The following MACROD2 variants were observed in gnomAD, a reference collection of about 807,000 sequenced individuals.
The protein encoded by MACROD2 is mono-ADP ribosylhydrolase 2.
In MACROD2, 36 loss-of-function variants were observed where a neutral mutation model predicts 70.4. The observed-to-expected ratio is 0.51, with a 90% CI of 0.39 to 0.68. The LOEUF is 0.68. Among genes scored for constraint, MACROD2 ranks in the 30% least tolerant of loss-of-function variants. The probability of loss-of-function intolerance (pLI) is 0.00; values close to 1 mark genes in which losing one functional copy is unlikely to be tolerated. For missense variants in MACROD2, 496 were observed against 538.4 expected (o/e 0.92, Z 0.78); for synonymous variants, 172 against 178.8 (o/e 0.96, Z 0.30).
At chr20:14,151,783 G>A (rs2055024609) in intron 3 of MACROD2, among the ~76,000 whole-genome samples, 1 of 149,740 alleles carries the variant, frequency 6.7e-6, no homozygotes, top group Non-Finnish European at 1.5e-5. Flanking sequence ...GATAATTAGA[G>A]GTGGTAATTG....
intron 8 of MACROD2, among the ~76,000 whole-genome samples, chr20:15,848,501 T>G (rs376843816): frequency 1.1e-3 from 162 of 152,252 alleles, no homozygotes; most frequent in African/African-American, 3.7e-3. Context: ...TAAATAAAAT[T>G]TTGTAGGGGG....
chr20:15,624,720 A>G (rs1172039535), intron 8 of MACROD2, among the ~76,000 whole-genome samples: 1 of 152,212 alleles, frequency 6.6e-6, no homozygotes, highest in Admixed American at 6.5e-5. Context: ...CATTCTCCAA[A>G]GCCTACAACA....
At position 14,285,069 on chromosome 20, in the gene MACROD2, A is replaced by G. The variant is rs186504644; in HGVS notation, c.271+199341A>G. On this transcript the variant is annotated intron_variant, in intron 3 of 17. Coordinates refer to ENST00000684519, the MANE Select transcript of MACROD2 (RefSeq NM_001351661.2). ...AACCAACAAAGCCCAGATTCTCTCT[A>G]TTGCACAGTTGGCACACTCTTTCCC... 1.9e-3 allele frequency among the ~76,000 whole-genome samples: 291 copies of G among 151,456 alleles called. 1 individual carries two copies. Among genetic ancestry groups the G allele is most frequent in the South Asian group, 4.6e-3 (22 of 4,796 alleles).
rs566603515 is a variant in MACROD2 at position 15,636,515 on chromosome 20, A to G, written c.645+136668A>G. On this transcript the variant is annotated intron_variant, in intron 8 of 17. Coordinates refer to ENST00000684519, the MANE Select transcript of MACROD2 (RefSeq NM_001351661.2). ...GGGGGCAGTTAATGGGTTCGGTTTC[A>G]TGTTTCAGATCCCCTTGACCTTGTT... Among the ~76,000 whole-genome samples, 5 of 152,244 alleles carry G rather than the reference A, an allele frequency of 3.3e-5. No homozygotes were observed. The South Asian group carries it at 1.0e-3, about 32-fold the overall frequency.
At chr20:15,340,291 C>A (rs1437343723) in intron 6 of MACROD2, among the ~76,000 whole-genome samples, 1 of 151,594 alleles carries the variant, frequency 6.6e-6, no homozygotes, top group South Asian at 2.1e-4. Context: ...GTGCCCACCA[C>A]CACGCCTGGC....
chr20:14,229,827 G>C (rs958550214), intron 3 of MACROD2, among the ~76,000 whole-genome samples: 1 of 152,174 alleles, frequency 6.6e-6, no homozygotes, highest in African/African-American at 2.4e-5. Flanking sequence ...AAAATGCATA[G>C]ACAAACTATG....
At chr20:15,130,041 A>G (rs1034750534) in intron 5 of MACROD2, among the ~76,000 whole-genome samples, 15 of 152,064 alleles carry the variant, frequency 9.9e-5, no homozygotes, top group African/African-American at 2.2e-4. Flanking sequence ...CCATTTTACG[A>G]TGAACATTAA....
chr20:15,384,045 C>T (rs2045678624), intron 6 of MACROD2, among the ~76,000 whole-genome samples: 1 of 152,030 alleles, frequency 6.6e-6, no homozygotes, highest in African/African-American at 2.4e-5. Flanking sequence ...TAATAACACT[C>T]CATAAATTTC....
chr20:15,334,774 C>G (rs2078030791), intron 6 of MACROD2, among the ~76,000 whole-genome samples: 1 of 151,632 alleles, frequency 6.6e-6, no homozygotes, highest in Non-Finnish European at 1.5e-5. Flanking sequence ...TAAATTTACA[C>G]AGCTAGTAAA....
At chr20:15,328,062 A>T (rs920479968) in intron 6 of MACROD2, among the ~76,000 whole-genome samples, 9 of 152,092 alleles carry the variant, frequency 5.9e-5, no homozygotes, top group Non-Finnish European at 1.2e-4. Flanking sequence ...GAAGGATCAG[A>T]AGGGTCAAAT....
intron 3 of MACROD2, among the ~76,000 whole-genome samples, chr20:14,362,241 G>T (rs182981177): frequency 1.3e-3 from 202 of 152,242 alleles, no homozygotes; most frequent in African/African-American, 4.5e-3. Flanking sequence ...TCTTAATCTT[G>T]ATACCAACCA....
intron 5 of MACROD2, among the ~76,000 whole-genome samples, chr20:15,188,393 A>C (rs1229730594): frequency 2.0e-5 from 3 of 152,218 alleles, no homozygotes; most frequent in African/African-American, 7.2e-5. Context: ...ATCTCCAAAG[A>C]GTCGAGCAAC....
At chr20:15,823,275 C>CGTGT (rs11471023) in intron 8 of MACROD2, among the ~76,000 whole-genome samples, 5,040 of 128,602 alleles carry the variant, frequency 0.039, 100 homozygotes, top group Admixed American at 0.059. Context: ...GTGAGCTCTT[C>CGTGT]GTGTGTGTGT....
chr20:14,423,838 C>A (rs1408443576), intron 3 of MACROD2, among the ~76,000 whole-genome samples: 2 of 143,514 alleles, frequency 1.4e-5, no homozygotes, highest in African/African-American at 5.0e-5. Flanking sequence ...TCTCGGCTCA[C>A]CGCAACCTTC....
intron 8 of MACROD2, among the ~76,000 whole-genome samples, chr20:15,683,827 G>A (rs1373566867): frequency 2.6e-5 from 4 of 152,066 alleles, no homozygotes; most frequent in Non-Finnish European, 4.4e-5. Context: ...TGATCCACCC[G>A]CCTCGGCCTC....
intron 5 of MACROD2, among the ~76,000 whole-genome samples, chr20:15,084,074 T>TTTTG (rs11466981): frequency 8.5e-6 from 1 of 117,034 alleles, no homozygotes; most frequent in Admixed American, 8.3e-5. Flanking sequence ...TTTTTTTTGT[T>TTTTG]TTTTTTTTTT....
chr20:15,558,375 G>A (rs1357226202), intron 8 of MACROD2, among the ~76,000 whole-genome samples: 1 of 152,184 alleles, frequency 6.6e-6, no homozygotes, highest in Non-Finnish European at 1.5e-5. Context: ...AAATCCTCAG[G>A]CATTTCTATT....
At chr20:14,329,456 T>C (rs1488760414) in intron 3 of MACROD2, 2 of 152,096 alleles carry the variant, frequency 1.3e-5, no homozygotes, top group Non-Finnish European at 2.9e-5. Context: ...TCAGAAGGGA[T>C]AGGTTGACCT....
At chr20:14,102,653 G>C (rs1331409811) in intron 3 of MACROD2, among the ~76,000 whole-genome samples, 2 of 152,144 alleles carry the variant, frequency 1.3e-5, no homozygotes, top group African/African-American at 4.8e-5. Context: ...GCCAGAAATT[G>C]CTGGAAATTG....
Sources: gnomAD v4.1 joint callset for allele counts (sites outside exome capture counted in the v4.1 genomes callset) on GRCh38, gnomAD v4.1.1 for gene constraint, MANE v1.5 for transcripts, NCBI Gene and HGNC (gene_info 2026-07-23, HGNC 2026-07-21) for gene names.